The following TCF7L2 variants were observed in gnomAD, a reference collection of about 807,000 sequenced individuals.
The protein encoded by TCF7L2 is transcription factor 7 like 2, also known as transcription factor 7-like 2.
TCF7L2 carries 23 observed loss-of-function variants against 77.9 expected under a neutral mutation model. The ratio of observed to expected loss-of-function variants is 0.30; its 90% CI spans 0.21 to 0.42. The LOEUF is 0.42. Among genes scored for constraint, TCF7L2 ranks in the 10% least tolerant of loss-of-function variants. The pLI is 1.00. For missense variants in TCF7L2, 654 were observed against 793.1 expected (o/e 0.82, Z 2.11); for synonymous variants, 413 against 340.2 (o/e 1.21, Z -2.36).
intron 5 of TCF7L2, among the ~76,000 whole-genome samples, chr10:113,096,166 G>T (rs953012916): frequency 6.6e-6 from 1 of 152,162 alleles, no homozygotes; most frequent in African/African-American, 2.4e-5. Flanking sequence ...TAGGGAGAGG[G>T]GTAGACGCTG....
At chr10:112,968,210 C>A (rs556017987) in intron 4 of TCF7L2, among the ~76,000 whole-genome samples, 2 of 152,182 alleles carry the variant, frequency 1.3e-5, no homozygotes, top group South Asian at 4.2e-4. Context: ...ACATTTGATC[C>A]TTGAATGGCA....
intron 5 of TCF7L2, among the ~76,000 whole-genome samples, chr10:113,095,459 C>T (rs1444106231): frequency 2.0e-5 from 3 of 152,086 alleles, no homozygotes; most frequent in Non-Finnish European, 4.4e-5. Context: ...GCTAAATGAG[C>T]GGACAAATTT....
intron 11 of TCF7L2, among the ~76,000 whole-genome samples, chr10:113,157,030 G>T (rs1231365529): frequency 6.6e-6 from 1 of 152,340 alleles, no homozygotes; most frequent in East Asian, 1.9e-4. Flanking sequence ...GGGAGGAGTG[G>T]TATCATCCTC....
chr10:113,068,388 G>A (rs148902982), intron 5 of TCF7L2, among the ~76,000 whole-genome samples: 16 of 152,162 alleles, frequency 1.1e-4, no homozygotes, highest in Non-Finnish European at 2.1e-4. Context: ...TCCAAAAGGC[G>A]GTTACCCAGA....
At chr10:112,963,033 A>G (rs141102583) in intron 3 of TCF7L2, among the ~76,000 whole-genome samples, 2 of 152,212 alleles carry the variant, frequency 1.3e-5, no homozygotes, top group African/African-American at 4.8e-5. Flanking sequence ...CACCTACTTC[A>G]TTGTGTCTCC....
At position 113,040,095 on chromosome 10, in the gene TCF7L2, A is replaced by T. The variant is rs2134265486; in HGVS notation, c.521A>T (p.Asp174Val). Residue 174 changes from aspartate (D) to valine (V), a missense_variant, in exon 5 of 14, where the codon GAT (aspartate) becomes GTT (valine). This residue lies in a region of TCF7L2 where 179 missense variants were observed against 270.6 expected (regional missense o/e 0.66). Coordinates refer to ENST00000627217, the MANE Select transcript of TCF7L2 (RefSeq NM_001146274.2). The stretch of plus-strand genomic sequence containing the variant: ...CTCCAGAGTAGACAAGCCCTCAAGG[A>T]TGCCCGGTCCCCATCACCGGCACAC... 2 of 1,614,002 alleles carry T rather than the reference A, an allele frequency of 1.2e-6. No homozygotes were observed. The highest frequency in any genetic ancestry group is 1.7e-5 in the Admixed American group (1 of 60,006).
chr10:112,975,274 A>G (rs571977716), intron 4 of TCF7L2, among the ~76,000 whole-genome samples: 39 of 152,272 alleles, frequency 2.6e-4, no homozygotes, highest in Admixed American at 9.8e-4. Context: ...CTAGGAAAAT[A>G]CTTGGTTATA....
chr10:113,028,563 A>C (rs1170976741), intron 4 of TCF7L2, among the ~76,000 whole-genome samples: 2 of 152,330 alleles, frequency 1.3e-5, no homozygotes, highest in Middle Eastern at 3.4e-3. Flanking sequence ...AACAAAAGGA[A>C]AACGCAGCAC....
intron 8 of TCF7L2, among the ~76,000 whole-genome samples, chr10:113,147,842 T>G (rs974620510): frequency 1.3e-5 from 2 of 151,992 alleles, no homozygotes; most frequent in African/African-American, 4.8e-5. Flanking sequence ...GGTTAGTCGA[T>G]GAATTATAGG....
intron 5 of TCF7L2, among the ~76,000 whole-genome samples, chr10:113,054,394 GT>G (rs982293159): frequency 6.6e-6 from 1 of 152,120 alleles, no homozygotes; most frequent in Non-Finnish European, 1.5e-5. Context: ...GAGTATTGGG[GT>G]TTTCCATGAT....
At position 113,056,334 on chromosome 10, in the gene TCF7L2, G is replaced by A. The variant is rs2055375073; in HGVS notation, c.552+16208G>A. Among the ~76,000 whole-genome samples, 3 of 152,180 alleles carry A rather than the reference G, an allele frequency of 2.0e-5. No homozygotes were observed. The South Asian group carries it at 6.2e-4, about 32-fold the overall frequency. On this transcript the variant is annotated intron_variant, in intron 5 of 13. Transcript: ENST00000627217. ...CTTGCGAATTACTTGGGATTTGTTTGAATCCCAAAATCTTTATATGTTATT... is the reference window on the plus strand; with the variant it reads ...CTTGCGAATTACTTGGGATTTGTTTAAATCCCAAAATCTTTATATGTTATT...
chr10:112,958,686 TA>T (rs2034308869), intron 3 of TCF7L2, among the ~76,000 whole-genome samples: 2 of 152,150 alleles, frequency 1.3e-5, no homozygotes, highest in Admixed American at 1.3e-4. Flanking sequence ...TGTACTAAAA[TA>T]TATTAGTAAA....
At chr10:112,952,446 G>C (rs2032017969) in intron 3 of TCF7L2, among the ~76,000 whole-genome samples, 1 of 152,152 alleles carries the variant, frequency 6.6e-6, no homozygotes, top group Non-Finnish European at 1.5e-5. Flanking sequence ...AGGGCAGCAG[G>C]GCTGAGTGGG....
chr10:112,970,487 C>T (rs2038005152), intron 4 of TCF7L2, among the ~76,000 whole-genome samples: 1 of 151,876 alleles, frequency 6.6e-6, no homozygotes, highest in East Asian at 2.0e-4. Context: ...CCATGTTGGC[C>T]ACTTATTCCT....
rs116446294 is a variant in TCF7L2 at position 113,145,197 on chromosome 10, C to T, written c.789-814C>T. Among the ~76,000 whole-genome samples, 894 of 151,668 alleles carry T rather than the reference C, an allele frequency of 5.9e-3. 6 individuals are homozygous for T. The highest frequency in any genetic ancestry group is 0.02 in the African/African-American group (839 of 41,346). On this transcript the variant is annotated intron_variant, in intron 7 of 13. Transcript: ENST00000627217. ...AACCCTGGGTATAGTTTCTGTTTCT[C>T]TGTCTCTTCTTATTTTTATTGGGAC...
In TCF7L2 at chr10:112,964,601, A is replaced by T; in HGVS notation, c.427A>T (p.Ile143Phe). ...CACACATTACTCTGCGTACAAAACGATTGAACACCAGATTGCAGTTCAGGT... is the reference window on the plus strand; with the variant it reads ...CACACATTACTCTGCGTACAAAACGTTTGAACACCAGATTGCAGTTCAGGT... Residue 143 changes from isoleucine to phenylalanine, a missense_variant, in exon 4 of 14, where the codon ATT becomes TTT. Transcript: ENST00000627217. 1.2e-6 allele frequency: 2 copies of T among 1,613,500 alleles called. No homozygotes were observed. Among genetic ancestry groups the T allele is most frequent in the Non-Finnish European group, 1.7e-6 (2 of 1,179,530 alleles).
intron 4 of TCF7L2, among the ~76,000 whole-genome samples, chr10:112,986,304 G>A (rs2041531642): frequency 6.6e-6 from 1 of 152,120 alleles, no homozygotes; most frequent in Non-Finnish European, 1.5e-5. Flanking sequence ...CTTTCTTTGA[G>A]CTTGTTTCGC....
intron 4 of TCF7L2, among the ~76,000 whole-genome samples, chr10:112,980,627 C>CT (rs1175995835): frequency 0.018 from 2,530 of 143,284 alleles, 23 homozygotes; most frequent in Admixed American, 0.024. Flanking sequence ...GCATTTGTTT[C>CT]TTTTTTTTTT....
chr10:113,076,414 A>G (rs2058708580), intron 5 of TCF7L2, among the ~76,000 whole-genome samples: 1 of 152,220 alleles, frequency 6.6e-6, no homozygotes, highest in East Asian at 1.9e-4. Flanking sequence ...CTGGGATTAC[A>G]TGCGTGAAAC....
Sources: allele counts gnomAD v4.1 joint callset (sites outside exome capture counted in the v4.1 genomes callset), GRCh38; gene constraint gnomAD v4.1.1; regional missense constraint gnomAD v4.1.1; transcripts MANE v1.5; gene names NCBI Gene and HGNC (gene_info 2026-07-23, HGNC 2026-07-21).